Variants in SLC68A1 observed in about 807,000 individuals in gnomAD.
SLC68A1 encodes the protein solute carrier family 68 member 1.
At chr10:102,472,696 C>A in the SLC68A1 span, 1 of 687,334 alleles carries the variant, frequency 1.5e-6, no homozygotes, top group African/African-American at 1.8e-5. Flanking sequence ...TGTGTTCTGG[C>A]ATGTTCTGTG....
the SLC68A1 span, chr10:102,470,170 A>G: frequency 8.6e-7 from 1 of 1,165,376 alleles, no homozygotes; most frequent in Non-Finnish European, 1.3e-6. Flanking sequence ...TGGGGAAGGA[A>G]GGGGAGACTA....
the SLC68A1 span, chr10:102,473,718 C>T: frequency 1.2e-6 from 2 of 1,613,624 alleles, no homozygotes; most frequent in South Asian, 1.1e-5. Flanking sequence ...ACCACCTCAG[C>T]CTGCTGTGCC....
the SLC68A1 span, among the ~76,000 whole-genome samples, chr10:102,474,959 T>C: frequency 6.6e-6 from 1 of 151,378 alleles, no homozygotes; most frequent in Admixed American, 6.6e-5. Context: ...GGGAGGGTTT[T>C]AAACAGGGAA....
chr10:102,466,482 CAAAA>C, the SLC68A1 span, among the ~76,000 whole-genome samples: 107 of 100,764 alleles, frequency 1.1e-3, no homozygotes, highest in African/African-American at 1.2e-3. Flanking sequence ...GACTCCACCT[CAAAA>C]AAAAAAAAAA....
chr10:102,476,752 C>T, the SLC68A1 span: 1 of 986,124 alleles, frequency 1.0e-6, no homozygotes, highest in Non-Finnish European at 1.2e-6. Flanking sequence ...ACAGGCCTGC[C>T]ATGGGGCGTG....
chr10:102,463,982 G>A, the SLC68A1 span, among the ~76,000 whole-genome samples: 1 of 152,202 alleles, frequency 6.6e-6, no homozygotes, highest in Admixed American at 6.5e-5. Context: ...TAAAGCTTGG[G>A]TGCTGGAAAG....
the SLC68A1 span, among the ~76,000 whole-genome samples, chr10:102,470,399 A>G: frequency 0.48 from 72,215 of 151,962 alleles, 17,760 homozygotes; most frequent in Middle Eastern, 0.62. Context: ...ATCACCCCCA[A>G]CCTTGAGAAG....
the SLC68A1 span, among the ~76,000 whole-genome samples, chr10:102,465,446 T>C: frequency 6.6e-6 from 1 of 151,608 alleles, no homozygotes; most frequent in African/African-American, 2.4e-5. Context: ...AAATAGCTGC[T>C]GTGTATTGAG....
the SLC68A1 span, among the ~76,000 whole-genome samples, chr10:102,471,625 C>G: frequency 6.6e-6 from 1 of 152,052 alleles, no homozygotes; most frequent in Admixed American, 6.6e-5. Flanking sequence ...TGGTGTAATT[C>G]CAGCATATCT....
the SLC68A1 span, among the ~76,000 whole-genome samples, chr10:102,463,274 G>A: frequency 0.033 from 5,046 of 151,108 alleles, 91 homozygotes; most frequent in African/African-American, 0.054. Context: ...CCGGGTTCAC[G>A]CTATTCTGCC....
At chr10:102,463,539 G>A in the SLC68A1 span, among the ~76,000 whole-genome samples, 1 of 151,784 alleles carries the variant, frequency 6.6e-6, no homozygotes, top group Non-Finnish European at 1.5e-5. Flanking sequence ...CCTGATAAGG[G>A]GGAAAACGGG....
At chr10:102,472,662 A>T in the SLC68A1 span, among the ~76,000 whole-genome samples, 2 of 152,214 alleles carry the variant, frequency 1.3e-5, no homozygotes, top group African/African-American at 4.8e-5. Flanking sequence ...AAAGTTAGAT[A>T]GCACCAGGAA....
chr10:102,468,002 G>A, the SLC68A1 span, among the ~76,000 whole-genome samples: 102 of 149,854 alleles, frequency 6.8e-4, no homozygotes, highest in Non-Finnish European at 3.9e-4. Context: ...GTGGTGGGCC[G>A]GGTGGTCTTG....
At chr10:102,476,791 T>G in the SLC68A1 span, 2 of 985,864 alleles carry the variant, frequency 2.0e-6, no homozygotes, top group South Asian at 9.4e-5. Context: ...TGACTGGAGC[T>G]GGCCGCTGTG....
the SLC68A1 span, among the ~76,000 whole-genome samples, chr10:102,467,889 C>G: frequency 6.6e-6 from 1 of 152,148 alleles, no homozygotes; most frequent in African/African-American, 2.4e-5. Context: ...AACTCCTGAC[C>G]TCAGGTGATC....
At chr10:102,469,099 C>T in the SLC68A1 span, 1 of 1,614,172 alleles carries the variant, frequency 6.2e-7, no homozygotes, top group South Asian at 1.1e-5. Flanking sequence ...CTCCCTGGCT[C>T]TCTTCACCAC....
the SLC68A1 span, chr10:102,476,817 A>G: frequency 2.0e-6 from 2 of 985,716 alleles, no homozygotes; most frequent in Non-Finnish European, 2.4e-6. Context: ...CTCAGGAACC[A>G]CTTTTAATAC....
chr10:102,475,690 G>C, the SLC68A1 span: 1 of 1,553,062 alleles, frequency 6.4e-7, no homozygotes, highest in African/African-American at 1.4e-5. Flanking sequence ...ACAGTGGGCT[G>C]ACCATGGTCT....
chr10:102,461,463 C>A, the SLC68A1 span: 1 of 152,528 alleles, frequency 6.6e-6, no homozygotes, highest in Non-Finnish European at 1.5e-5. Flanking sequence ...GAGACGCTGG[C>A]CAGCGGCCGG....
Sources: gnomAD v4.1 joint callset for allele counts (sites outside exome capture counted in the v4.1 genomes callset) on GRCh38, gnomAD v4.1.1 for gene constraint, MANE v1.5 for transcripts, NCBI Gene and HGNC (gene_info 2026-07-23, HGNC 2026-07-21) for gene names.